Variants in YIPF1 observed in about 807,000 individuals in gnomAD.
YIPF1 encodes the protein Yip1 domain family member 1.
A neutral mutation model predicts 37.0 loss-of-function variants in YIPF1; 22 were observed. The observed-to-expected ratio is 0.59, with a 90% confidence interval of 0.42 to 0.85. YIPF1 has a LOEUF of 0.85. Ranked by LOEUF, YIPF1 falls within the 40% of genes least tolerant of loss-of-function variation. YIPF1 has a pLI of 0.00. For synonymous variants in YIPF1, 128 were observed against 131.9 expected (o/e 0.97, Z 0.21); for missense variants, 355 against 373.1 (o/e 0.95, Z 0.40).
chr1:53,877,221 G>A (rs556222001), intron 6 of YIPF1, among the ~76,000 whole-genome samples: 1 of 152,318 alleles, frequency 6.6e-6, no homozygotes, highest in East Asian at 1.9e-4. Flanking sequence ...GAATGAATGA[G>A]ACAGAGAAAC....
At chr1:53,857,284 GC>G (rs1649744473) in intron 10 of YIPF1, among the ~76,000 whole-genome samples, 1 of 152,218 alleles carries the variant, frequency 6.6e-6, no homozygotes, top group African/African-American at 2.4e-5. Context: ...CCACAGTCCT[GC>G]CCCACAGAAA....
chr1:53,857,980 C>CAAA (rs34358598), intron 10 of YIPF1, among the ~76,000 whole-genome samples: 3 of 96,998 alleles, frequency 3.1e-5, no homozygotes, highest in East Asian at 2.9e-4. Context: ...GACTCCACCT[C>CAAA]AAAAAAAAAA....
chr1:53,860,157 T>C lies in YIPF1; in HGVS notation c.832-4A>G. Reference sequence around the variant, plus strand: ...CTGGTGCATCAAAAAAGTATGCCTGTGGGGAAAAAAAGACCCAGGAGGGAG... The same window carrying C: ...CTGGTGCATCAAAAAAGTATGCCTGCGGGGAAAAAAAGACCCAGGAGGGAG... On this transcript the variant is annotated splice_region_variant and splice_polypyrimidine_tract_variant and intron_variant, in intron 9 of 10. Coordinates refer to ENST00000072644, the MANE Select transcript of YIPF1 (RefSeq NM_018982.5). 6.2e-7 allele frequency: 1 copy of C among 1,613,714 alleles called. No individual in the cohort carries two copies. The highest frequency in any genetic ancestry group is 8.5e-7 in the Non-Finnish European group (1 of 1,179,884).
At chr1:53,888,863 C>A (rs373185763) in intron 3 of YIPF1, 44 bp downstream of exon 3, 156 of 1,532,998 alleles carry the variant, frequency 1.0e-4, no homozygotes, top group Admixed American at 1.7e-4. Context: ...GTGACTGTAG[C>A]AACAGTGATC....
At chr1:53,854,564 T>C (rs1649674257) in intron 10 of YIPF1, among the ~76,000 whole-genome samples, 1 of 152,222 alleles carries the variant, frequency 6.6e-6, no homozygotes, top group South Asian at 2.1e-4. Context: ...AACCTTCCAA[T>C]GTCACCACAG....
At chr1:53,866,070 G>T in intron 9 of YIPF1, 130 bp downstream of exon 9, 1 of 1,214,160 alleles carries the variant, frequency 8.2e-7, no homozygotes, top group Non-Finnish European at 1.1e-6. Flanking sequence ...AAAGTATTGG[G>T]ATTATGGGTG....
chr1:53,881,424 G>A (rs961655598), intron 4 of YIPF1, among the ~76,000 whole-genome samples: 2 of 152,106 alleles, frequency 1.3e-5, no homozygotes, highest in Admixed American at 1.3e-4. Flanking sequence ...TCTTCAGAGT[G>A]AACAGACAAC....
At chr1:53,857,897 C>T (rs1649762544) in intron 10 of YIPF1, among the ~76,000 whole-genome samples, 1 of 149,880 alleles carries the variant, frequency 6.7e-6, no homozygotes, top group Non-Finnish European at 1.5e-5. Context: ...AGGAGAATCT[C>T]TTGAACCCGG....
At chr1:53,875,116 TACCAGTTACATACCC>T (rs1180954748) in intron 6 of YIPF1, among the ~76,000 whole-genome samples, 3 of 152,222 alleles carry the variant, frequency 2.0e-5, no homozygotes, top group Non-Finnish European at 2.9e-5. Context: ...CCAATTTGTG[TACCAGTTACATACCC>T]ACCAGTTACA....
At chr1:53,872,017 T>C (rs901544931) in intron 6 of YIPF1, among the ~76,000 whole-genome samples, 2 of 150,592 alleles carry the variant, frequency 1.3e-5, no homozygotes, top group African/African-American at 4.9e-5. Flanking sequence ...TGTGTGTGTG[T>C]GTGTGTGTGT....
intron 4 of YIPF1, chr1:53,882,874 G>T: frequency 2.8e-6 from 1 of 363,398 alleles, no homozygotes; most frequent in Middle Eastern, 7.4e-4. Flanking sequence ...TTGAGCATGG[G>T]AGTCCCACAT....
intron 5 of YIPF1, 31 bp downstream of exon 5, chr1:53,878,611 G>A (rs537754176): frequency 1.6e-5 from 26 of 1,589,468 alleles, no homozygotes; most frequent in African/African-American, 1.1e-4. Context: ...TCCTTTACCC[G>A]TAAAAGGAAA....
intron 10 of YIPF1, among the ~76,000 whole-genome samples, chr1:53,852,862 G>C (rs1649630949): frequency 6.6e-6 from 1 of 152,166 alleles, no homozygotes; most frequent in Non-Finnish European, 1.5e-5. Flanking sequence ...GACCCCTGTG[G>C]CTGTGTATAG....
At chr1:53,852,658 C>T (rs564497533) in intron 10 of YIPF1, among the ~76,000 whole-genome samples, 16 of 151,960 alleles carry the variant, frequency 1.1e-4, no homozygotes, top group African/African-American at 2.7e-4. Context: ...CCTGGAAAAC[C>T]GTGGTAATTG....
At chr1:53,857,223 G>C (rs1338575819) in intron 10 of YIPF1, among the ~76,000 whole-genome samples, 9 of 152,166 alleles carry the variant, frequency 5.9e-5, no homozygotes, top group Non-Finnish European at 1.3e-4. Context: ...CCAATGTTTT[G>C]ACTGCAGCCT....
chr1:53,866,973 A>G (rs374726924), intron 7 of YIPF1, 49 bp from the exon 8 acceptor site: 559 of 1,567,400 alleles, frequency 3.6e-4, no homozygotes, highest in Non-Finnish European at 4.6e-4. Context: ...CCTTTAGTAG[A>G]CTATCAGAGC....
chr1:53,888,056 T>C lies in YIPF1; in HGVS notation c.31+851A>G, dbSNP rs1041638993. On this transcript the variant is annotated intron_variant, in intron 3 of 10. Coordinates refer to ENST00000072644, the MANE Select transcript of YIPF1 (RefSeq NM_018982.5). ...GCCTGGCCAATATGGTGAAGCCCCG[T>C]CTCTACTAAAAATACAAAAATTAGT... Among the ~76,000 whole-genome samples, 6 of 152,266 alleles carry C rather than the reference T, an allele frequency of 3.9e-5. No individual in the cohort carries two copies. In the East Asian group the frequency reaches 7.7e-4, roughly 20 times the overall value.
chr1:53,866,496 T>C (rs1197413892), intron 8 of YIPF1, 114 bp from the exon 9 acceptor site: 18 of 1,195,272 alleles, frequency 1.5e-5, no homozygotes, highest in South Asian at 3.1e-5. Flanking sequence ...CCATTGCCAC[T>C]CTGGTTTTTC....
chr1:53,881,431 C>G (rs1650499236), intron 4 of YIPF1, among the ~76,000 whole-genome samples: 1 of 152,080 alleles, frequency 6.6e-6, no homozygotes, highest in Non-Finnish European at 1.5e-5. Flanking sequence ...AGTGAACAGA[C>G]AACCTACAGA....
Sources: gnomAD v4.1 joint callset for allele counts (sites outside exome capture counted in the v4.1 genomes callset) on GRCh38, gnomAD v4.1.1 for gene constraint, MANE v1.5 for transcripts, NCBI Gene and HGNC (gene_info 2026-07-23, HGNC 2026-07-21) for gene names.